NBEA: variants seen among roughly 807,000 people sequenced by gnomAD.
NBEA encodes the protein neurobeachin.
In NBEA, 44 loss-of-function variants were observed where a neutral mutation model predicts 343.4. That is an observed-to-expected ratio of 0.13 (90% CI 0.10 to 0.16). The LOEUF (loss-of-function observed/expected upper bound fraction) is 0.16. NBEA is among the 10% of genes least tolerant of loss of function. The pLI is 1.00. For synonymous variants in NBEA, 1,175 were observed against 1,238.7 expected (o/e 0.95, Z 1.08); for missense variants, 2,555 against 3,631.3 (o/e 0.70, Z 7.62).
rs769157960 is a variant in NBEA, at chr13:35,195,912, C to T, written c.4976C>T (p.Thr1659Ile). The T allele has an allele frequency of 9.3e-6, 15 of 1,612,220 alleles. No individual in the cohort carries two copies. In the East Asian group the frequency reaches 3.3e-4, roughly 36 times the overall value. ...PDTIKEKETPTPGEDIQVESS... is the reference protein window; with the variant it reads ...PDTIKEKETPIPGEDIQVESS... Reference sequence around the variant, plus strand: ...ACCATAAAAGAAAAAGAAACACCAACTCCTGGTGAAGATATTCAGGTAGAA... The same window carrying T: ...ACCATAAAAGAAAAAGAAACACCAATTCCTGGTGAAGATATTCAGGTAGAA... The change falls in exon 31 of 59, where the codon ACT (threonine) becomes ATT (isoleucine). Residue 1659 changes from threonine (T) to isoleucine (I), a missense_variant. By Grantham distance (89) the Thr-to-Ile change is moderately conservative. This residue lies in a region of NBEA where 270 missense variants were observed against 293.3 expected (regional missense o/e 0.92). Transcript: ENST00000379939.
intron 41 of NBEA, among the ~76,000 whole-genome samples, chr13:35,482,406 T>G (rs2076153982): frequency 6.6e-6 from 1 of 151,574 alleles, no homozygotes; most frequent in Admixed American, 6.6e-5. Flanking sequence ...ATATTTTCAC[T>G]ATTGTAATAA....
chr13:35,262,283 G>A (rs1203239193), intron 34 of NBEA, among the ~76,000 whole-genome samples: 1 of 152,192 alleles, frequency 6.6e-6, no homozygotes, highest in Non-Finnish European at 1.5e-5. Flanking sequence ...TTCTTATTTA[G>A]TTAAACAAAC....
At chr13:35,166,282 T>A (rs886933927) in intron 24 of NBEA, among the ~76,000 whole-genome samples, 3 of 152,208 alleles carry the variant, frequency 2.0e-5, no homozygotes, top group Non-Finnish European at 4.4e-5. Context: ...AGGCAAAAGA[T>A]CTTTAACTAT....
At chr13:35,594,976 CACACACACACACACAA>C (rs1440143002) in intron 47 of NBEA, among the ~76,000 whole-genome samples, 2 of 151,168 alleles carry the variant, frequency 1.3e-5, no homozygotes, top group Non-Finnish European at 2.9e-5. Context: ...CACACACACA[CACACACACACACACAA>C]ATTGGCTTTT....
chr13:34,963,858 A>G (rs938885521), intron 1 of NBEA, among the ~76,000 whole-genome samples: 2 of 152,016 alleles, frequency 1.3e-5, no homozygotes, highest in Non-Finnish European at 2.9e-5. Flanking sequence ...CAATGTTTGT[A>G]GAAAATCTAG....
intron 39 of NBEA, among the ~76,000 whole-genome samples, chr13:35,442,754 A>G (rs2045807681): frequency 6.6e-6 from 1 of 152,114 alleles, no homozygotes; most frequent in Admixed American, 6.6e-5. Context: ...TGCTGTCAGA[A>G]CCAAATTGTA....
At chr13:35,117,378 A>AT in intron 13 of NBEA, 36 bp from the exon 14 acceptor site, 1 of 1,111,742 alleles carries the variant, frequency 9.0e-7, no homozygotes, top group Non-Finnish European at 1.2e-6. Context: ...AATATCTTGT[A>AT]TTTTTTATTT....
At chr13:35,384,771 C>T (rs2042167698) in intron 38 of NBEA, among the ~76,000 whole-genome samples, 1 of 152,074 alleles carries the variant, frequency 6.6e-6, no homozygotes, top group Non-Finnish European at 1.5e-5. Flanking sequence ...GGTGATCCAC[C>T]CACCTCGGCC....
In NBEA at chr13:35,053,994, C is replaced by T. The variant is rs1170970855; in HGVS notation, c.973-2016C>T. 9.9e-5 allele frequency among the ~76,000 whole-genome samples: 15 copies of T among 151,984 alleles called. No homozygotes were observed. The East Asian group carries it at 2.9e-3, about 29-fold the overall frequency. ...CTTTATGAAGTAAAATTCTTCCTGC[C>T]CAGTACATTATCTGGAGTAGTAAGA... On this transcript the variant is annotated intron_variant, in intron 6 of 58. Transcript: ENST00000379939.
chr13:35,026,612 A>G (rs979041655), intron 1 of NBEA, among the ~76,000 whole-genome samples: 3 of 152,120 alleles, frequency 2.0e-5, no homozygotes, highest in Non-Finnish European at 4.4e-5. Flanking sequence ...ATTTTAGCAA[A>G]TGATTGTTCC....
chr13:35,325,258 T>G (rs888687699), intron 36 of NBEA, among the ~76,000 whole-genome samples: 3 of 152,050 alleles, frequency 2.0e-5, no homozygotes, highest in African/African-American at 7.2e-5. Context: ...GGACTTAACT[T>G]ACTAAAGAAC....
chr13:35,122,735 G>A (rs1593419292), intron 16 of NBEA, among the ~76,000 whole-genome samples: 1 of 152,130 alleles, frequency 6.6e-6, no homozygotes, highest in East Asian at 1.9e-4. Context: ...AAATCTTAGA[G>A]TAGGAACCAG....
intron 23 of NBEA, among the ~76,000 whole-genome samples, chr13:35,163,709 C>T (rs190463659): frequency 1.3e-5 from 2 of 151,914 alleles, no homozygotes; most frequent in East Asian, 3.9e-4. Flanking sequence ...TATGAGAACA[C>T]TGTACTACCA....
At chr13:35,363,016 C>G (rs1434442727) in intron 38 of NBEA, among the ~76,000 whole-genome samples, 6 of 151,888 alleles carry the variant, frequency 4.0e-5, no homozygotes, top group Non-Finnish European at 8.8e-5. Flanking sequence ...CTTTCACTTC[C>G]TGGTCCCACT....
intron 8 of NBEA, among the ~76,000 whole-genome samples, chr13:35,061,655 A>G (rs1157927864): frequency 2.0e-5 from 3 of 151,698 alleles, no homozygotes; most frequent in African/African-American, 7.2e-5. Flanking sequence ...GGTTTTATGA[A>G]TTGCTATATC....
At chr13:35,043,131 C>T (rs370573196) in intron 2 of NBEA, among the ~76,000 whole-genome samples, 4 of 151,018 alleles carry the variant, frequency 2.6e-5, no homozygotes, top group African/African-American at 9.7e-5. Flanking sequence ...ATAAGTAATT[C>T]GTATTTTTTC....
chr13:35,516,379 T>C (rs933262237), intron 41 of NBEA, among the ~76,000 whole-genome samples: 1 of 152,148 alleles, frequency 6.6e-6, no homozygotes, highest in African/African-American at 2.4e-5. Flanking sequence ...TACACGTATA[T>C]ACCATCTAGT....
intron 9 of NBEA, 48 bp from the exon 10 acceptor site, chr13:35,070,671 G>T (rs2063831456): frequency 6.8e-7 from 1 of 1,470,266 alleles, no homozygotes; most frequent in Non-Finnish European, 9.3e-7. Context: ...AAATAGTGAT[G>T]AAATCATTCT....
At chr13:35,056,240 T>G in intron 7 of NBEA, 111 bp downstream of exon 7, 1 of 905,590 alleles carries the variant, frequency 1.1e-6, no homozygotes, top group Non-Finnish European at 1.5e-6. Context: ...ACTTTGAAAG[T>G]TTATTCTTTT....
Sources: gnomAD v4.1 joint callset for allele counts (sites outside exome capture counted in the v4.1 genomes callset) on GRCh38, gnomAD v4.1.1 for gene constraint, gnomAD v4.1.1 regional missense constraint, MANE v1.5 for transcripts, NCBI Gene and HGNC (gene_info 2026-07-23, HGNC 2026-07-21) for gene names.